The following SUGCT variants were observed in gnomAD, a reference collection of about 807,000 sequenced individuals.
The protein encoded by SUGCT is succinyl-CoA:glutarate CoA-transferase.
Under a neutral mutation model 55.0 loss-of-function variants are expected in SUGCT, and 41 were observed. The observed-to-expected ratio is 0.74, with a 90% CI of 0.58 to 0.97. The LOEUF is 0.97. Among genes scored for constraint, SUGCT ranks in the 50% least tolerant of loss-of-function variants. SUGCT has a pLI of 0.00. For missense variants in SUGCT, 568 were observed against 547.8 expected (o/e 1.04, Z -0.37); for synonymous variants, 187 against 200.4 (o/e 0.93, Z 0.56).
At chr7:40,887,296 C>T in the SUGCT span, among the ~76,000 whole-genome samples, 59 of 152,252 alleles carry the variant, frequency 3.9e-4, 2 homozygotes, top group South Asian at 0.012. Flanking sequence ...AAAGACCATA[C>T]ATATTTGGAG....
At chr7:40,174,504 G>A (rs549806364) in intron 1 of SUGCT, among the ~76,000 whole-genome samples, 81 of 152,180 alleles carry the variant, frequency 5.3e-4, no homozygotes, top group Non-Finnish European at 9.7e-4. Context: ...TGGATGCAGT[G>A]GCTCATGCCT....
intron 13 of SUGCT, among the ~76,000 whole-genome samples, chr7:40,793,844 G>A (rs992488017): frequency 1.3e-5 from 2 of 151,902 alleles, no homozygotes; most frequent in Non-Finnish European, 2.9e-5. Context: ...ATTATCTTCA[G>A]TTCTGTTTGG....
At chr7:40,612,181 C>T (rs1018699118) in intron 12 of SUGCT, among the ~76,000 whole-genome samples, 10 of 152,208 alleles carry the variant, frequency 6.6e-5, no homozygotes, top group African/African-American at 2.4e-4. Flanking sequence ...AACCTTTAGT[C>T]CTACTATTAT....
At chr7:40,210,954 T>C (rs1787301396) in intron 6 of SUGCT, among the ~76,000 whole-genome samples, 1 of 152,100 alleles carries the variant, frequency 6.6e-6, no homozygotes, top group Non-Finnish European at 1.5e-5. Flanking sequence ...GGCAAAGAAT[T>C]GAACATACTG....
At chr7:40,509,669 G>A (rs10242965) in intron 12 of SUGCT, among the ~76,000 whole-genome samples, 9,867 of 151,698 alleles carry the variant, frequency 0.065, 1,041 homozygotes, top group African/African-American at 0.22. Flanking sequence ...TTTTCTTTCC[G>A]TCTGCTTTTC....
intron 13 of SUGCT, among the ~76,000 whole-genome samples, chr7:40,770,581 C>A (rs1789044948): frequency 6.6e-6 from 1 of 152,170 alleles, no homozygotes; most frequent in South Asian, 2.1e-4. Context: ...TATACCTATA[C>A]TCACATATAT....
chr7:40,642,876 G>GA (rs1345179629), intron 12 of SUGCT, among the ~76,000 whole-genome samples: 2 of 152,100 alleles, frequency 1.3e-5, no homozygotes, highest in African/African-American at 4.8e-5. Context: ...CAATATGGTC[G>GA]AATTAGCAGC....
At chr7:40,834,271 G>A (rs1792847070) in intron 13 of SUGCT, among the ~76,000 whole-genome samples, 1 of 151,670 alleles carries the variant, frequency 6.6e-6, no homozygotes, top group Non-Finnish European at 1.5e-5. Context: ...GGGTGGGTGG[G>A]GAGTAGAGTT....
the SUGCT span, among the ~76,000 whole-genome samples, chr7:40,970,070 G>A: frequency 6.6e-6 from 1 of 152,142 alleles, no homozygotes; most frequent in African/African-American, 2.4e-5. Context: ...AATATTGATG[G>A]CAATACAATG....
At chr7:40,702,312 G>A (rs1452818154) in intron 12 of SUGCT, among the ~76,000 whole-genome samples, 1 of 152,210 alleles carries the variant, frequency 6.6e-6, no homozygotes, top group Non-Finnish European at 1.5e-5. Flanking sequence ...ACCTCTCACT[G>A]TGTCAAAGGA....
chr7:40,216,179 T>A (rs1787625822), intron 6 of SUGCT, among the ~76,000 whole-genome samples: 1 of 151,882 alleles, frequency 6.6e-6, no homozygotes, highest in Non-Finnish European at 1.5e-5. Flanking sequence ...TCATTTTGTC[T>A]TGGGGCAGAT....
intron 12 of SUGCT, among the ~76,000 whole-genome samples, chr7:40,653,063 C>T (rs150223515): frequency 1.9e-3 from 296 of 152,286 alleles, no homozygotes; most frequent in African/African-American, 6.3e-3. Flanking sequence ...TCATCTCTAC[C>T]ATGAAGAGGA....
chr7:40,537,325 A>G (rs1394162795), intron 12 of SUGCT, among the ~76,000 whole-genome samples: 2 of 152,176 alleles, frequency 1.3e-5, no homozygotes, highest in Admixed American at 6.5e-5. Flanking sequence ...TGATGAGAAC[A>G]TTTTGCCTTA....
Position 40,517,411 on chromosome 7 carries a change from CCTTGT to C in SUGCT, c.1089+21031_1089+21035del, listed in dbSNP as rs1793302140. 3.3e-5 allele frequency among the ~76,000 whole-genome samples: 5 copies of C among 151,988 alleles called. No individual in the cohort carries two copies. The South Asian group carries it at 1.0e-3, about 31-fold the overall frequency. On this transcript the variant is annotated intron_variant, in intron 12 of 13. Transcript: ENST00000335693. The stretch of plus-strand genomic sequence containing the variant: ...AAATAGCATTGGTGAGAGCAAATAT[CCTTGT>C]CTTGTTTCTGATTTAAGAAACAAAG...
chr7:40,644,561 T>G (rs1020722319), intron 12 of SUGCT, among the ~76,000 whole-genome samples: 1 of 152,224 alleles, frequency 6.6e-6, no homozygotes, highest in East Asian at 1.9e-4. Context: ...CAAGAAACCA[T>G]GCAGGGTGTT....
intron 13 of SUGCT, among the ~76,000 whole-genome samples, chr7:40,769,817 CT>C (rs2128726787): frequency 6.6e-6 from 1 of 152,300 alleles, no homozygotes; most frequent in East Asian, 1.9e-4. Flanking sequence ...TTTCTCTAAA[CT>C]CTATCTTAAA....
chr7:40,160,552 A>C (rs572296629), intron 1 of SUGCT, among the ~76,000 whole-genome samples: 2 of 152,150 alleles, frequency 1.3e-5, no homozygotes, highest in East Asian at 3.8e-4. Context: ...TAAAACATGA[A>C]ATCTTAAAAC....
intron 13 of SUGCT, among the ~76,000 whole-genome samples, chr7:40,797,030 G>T (rs1218459764): frequency 6.6e-6 from 1 of 152,152 alleles, no homozygotes; most frequent in African/African-American, 2.4e-5. Flanking sequence ...GTGGGTCAGG[G>T]CAATTCTGAC....
At chr7:40,407,364 G>T (rs987793162) in intron 9 of SUGCT, among the ~76,000 whole-genome samples, 1 of 151,720 alleles carries the variant, frequency 6.6e-6, no homozygotes, top group Non-Finnish European at 1.5e-5. Context: ...AACAATGAAA[G>T]TTAGCATTTG....
Sources: allele counts gnomAD v4.1 joint callset (sites outside exome capture counted in the v4.1 genomes callset), GRCh38; gene constraint gnomAD v4.1.1; transcripts MANE v1.5; gene names NCBI Gene and HGNC (gene_info 2026-07-23, HGNC 2026-07-21).